The following MXRA7 variants were observed in gnomAD, a reference collection of about 807,000 sequenced individuals.
The protein encoded by MXRA7 is matrix-remodeling-associated protein 7.
MXRA7 carries 18 observed loss-of-function variants against 17.4 expected under a neutral mutation model. The observed-to-expected ratio is 1.03, with a 90% CI of 0.71 to 1.53. MXRA7 has a LOEUF of 1.53. MXRA7 is among the 40% of genes most tolerant of loss of function. The pLI is 0.00. For synonymous variants in MXRA7, 70 were observed against 101.7 expected, an observed-to-expected ratio of 0.69 and a Z score of 1.87; for missense variants, 141 against 209.3, an observed-to-expected ratio of 0.67 and a Z score of 2.01.
intron 1 of MXRA7, among the ~76,000 whole-genome samples, chr17:76,692,259 CTT>C (rs569237354): frequency 9.9e-5 from 14 of 141,240 alleles, no homozygotes; most frequent in Admixed American, 1.4e-4. Context: ...CTGATTTTTT[CTT>C]TTTTTTTTTT....
At chr17:76,679,560 A>G (rs2076271553), downstream of MXRA7, 8 of 974,720 alleles carry the variant, frequency 8.2e-6, no homozygotes, top group Non-Finnish European at 9.8e-6. Flanking sequence ...CTGAAAAAAC[A>G]CACAGTAATT....
chr17:76,708,216 T>C (rs909994947), intron 1 of MXRA7, among the ~76,000 whole-genome samples: 2 of 152,214 alleles, frequency 1.3e-5, no homozygotes, highest in African/African-American at 4.8e-5. Flanking sequence ...ATCAGCTTTG[T>C]AGTCAGAGGC....
At chr17:76,695,780 G>A (rs1255339776) in intron 1 of MXRA7, among the ~76,000 whole-genome samples, 1 of 152,168 alleles carries the variant, frequency 6.6e-6, no homozygotes, top group African/African-American at 2.4e-5. Context: ...ATTGCAGGGT[G>A]GGTGTGACAC....
At chr17:76,701,818 C>A (rs1403364050) in intron 1 of MXRA7, among the ~76,000 whole-genome samples, 1 of 152,220 alleles carries the variant, frequency 6.6e-6, no homozygotes, top group African/African-American at 2.4e-5. Context: ...TCCAACCTCA[C>A]ATCCCGATCA....
intron 1 of MXRA7, among the ~76,000 whole-genome samples, chr17:76,697,159 C>T (rs1379944401): frequency 6.6e-6 from 1 of 152,118 alleles, no homozygotes; most frequent in Non-Finnish European, 1.5e-5. Context: ...TAAAATGAAG[C>T]CATTAGGGTG....
At chr17:76,705,041 C>CG (rs2076640965) in intron 1 of MXRA7, among the ~76,000 whole-genome samples, 1 of 152,056 alleles carries the variant, frequency 6.6e-6, no homozygotes, top group Non-Finnish European at 1.5e-5. Flanking sequence ...TGGGAAAGAG[C>CG]GGGGCTACAA....
At chr17:76,688,020 G>A (rs1567981192) in intron 2 of MXRA7, 93 bp downstream of exon 2, 13 of 705,952 alleles carry the variant, frequency 1.8e-5, no homozygotes, top group South Asian at 9.7e-5. Flanking sequence ...CCCTCCCCTC[G>A]GCACTCGAAC....
downstream of MXRA7, chr17:76,676,750 A>G (rs187695950): frequency 6.6e-6 from 1 of 152,348 alleles, no homozygotes; most frequent in Admixed American, 6.5e-5. Context: ...AGAAAAAGAA[A>G]AAAACGCTCT....
chr17:76,687,392 CTT>C (rs1411255173), intron 2 of MXRA7, among the ~76,000 whole-genome samples: 2 of 152,344 alleles, frequency 1.3e-5, no homozygotes, highest in Non-Finnish European at 2.9e-5. Flanking sequence ...AGCAGACTTG[CTT>C]TTTTAAAATT....
At chr17:76,688,709 C>T (rs575555829) in intron 1 of MXRA7, 100 of 1,227,868 alleles carry the variant, frequency 8.1e-5, no homozygotes, top group Non-Finnish European at 5.3e-5. Flanking sequence ...ACACAATAAA[C>T]AGATGATCAG....
chr17:76,684,297 C>T (rs1253263068), intron 3 of MXRA7, among the ~76,000 whole-genome samples: 3 of 152,132 alleles, frequency 2.0e-5, no homozygotes, highest in Non-Finnish European at 2.9e-5. Context: ...TGCTCTGGGT[C>T]GCCAGGCTTG....
chr17:76,686,188 C>T (rs1330613771), intron 2 of MXRA7, among the ~76,000 whole-genome samples: 1 of 152,152 alleles, frequency 6.6e-6, no homozygotes, highest in East Asian at 1.9e-4. Context: ...ATTCAGAACC[C>T]AAACATCTGG....
At chr17:76,695,653 T>A (rs1279514340) in intron 1 of MXRA7, among the ~76,000 whole-genome samples, 1 of 152,082 alleles carries the variant, frequency 6.6e-6, no homozygotes, top group Non-Finnish European at 1.5e-5. Context: ...GGGTCCGAGA[T>A]GGGCTTGCCA....
intron 2 of MXRA7, 106 bp downstream of exon 2, chr17:76,687,997 TGTCCCACCCC>T: frequency 6.2e-6 from 6 of 969,940 alleles, no homozygotes; most frequent in Non-Finnish European, 7.8e-6. Context: ...CTCAGGCCAC[TGTCCCACCCC>T]ATCCCTCCCC....
At chr17:76,705,919 G>T (rs923277368) in intron 1 of MXRA7, among the ~76,000 whole-genome samples, 14 of 152,170 alleles carry the variant, frequency 9.2e-5, no homozygotes, top group African/African-American at 3.4e-4. Flanking sequence ...ATATCTACTT[G>T]GCCCTCCACT....
intron 1 of MXRA7, among the ~76,000 whole-genome samples, chr17:76,697,509 T>C (rs1455665030): frequency 2.0e-5 from 3 of 152,362 alleles, no homozygotes; most frequent in Admixed American, 6.5e-5. Flanking sequence ...GGCGTCACCC[T>C]GGCTGGTCCC....
chr17:76,684,510 G>C (rs2076359006), intron 3 of MXRA7, among the ~76,000 whole-genome samples: 1 of 152,196 alleles, frequency 6.6e-6, no homozygotes, highest in Non-Finnish European at 1.5e-5. Context: ...GAGGGAAAAG[G>C]TGGCGGGGTG....
At chr17:76,678,594 C>G (rs534523106), downstream of MXRA7, among the ~76,000 whole-genome samples, 12 of 152,332 alleles carry the variant, frequency 7.9e-5, no homozygotes, top group Admixed American at 3.3e-4. Context: ...TCCTGCCCCC[C>G]ACACACCACG....
At position 76,704,003 on chromosome 17, in the gene MXRA7, GC is replaced by G. The variant is rs558827364; in HGVS notation, c.342+6601del. Among the ~76,000 whole-genome samples, 1,369 of 150,412 alleles carry G rather than the reference GC, an allele frequency of 9.1e-3. 25 individuals are homozygous for G. Among genetic ancestry groups the G allele is most frequent in the African/African-American group, 0.031 (1,271 of 40,994 alleles). ...AATCCCAGCTACTCAGGAGGCTGAGGCAAGCAGAAGAATCACTTGAACCCGG... is the reference window on the plus strand; with the variant it reads ...AATCCCAGCTACTCAGGAGGCTGAGGAAGCAGAAGAATCACTTGAACCCGG... On this transcript the variant is annotated intron_variant, in intron 1 of 3. Coordinates refer to ENST00000449428, the MANE Select transcript of MXRA7 (RefSeq NM_198530.4).
Sources: gnomAD v4.1 joint callset for allele counts (sites outside exome capture counted in the v4.1 genomes callset) on GRCh38, gnomAD v4.1.1 for gene constraint, MANE v1.5 for transcripts, NCBI Gene and HGNC (gene_info 2026-07-23, HGNC 2026-07-21) for gene names.